NAB1: variants seen among roughly 807,000 people sequenced by gnomAD.
NAB1 encodes NGFI-A binding protein 1.
A neutral mutation model predicts 49.9 loss-of-function variants in NAB1; 25 were observed. The observed-to-expected ratio is 0.50, with a 90% CI of 0.37 to 0.70. The LOEUF (loss-of-function observed/expected upper bound fraction) is 0.70, where lower values mean the gene tolerates loss of function less well. Ranked by LOEUF, NAB1 falls within the 30% of genes least tolerant of loss-of-function variation. The pLI, the probability that NAB1 is intolerant of heterozygous loss-of-function variation, is 0.00. For synonymous variants in NAB1, 198 were observed against 215.6 expected (o/e 0.92, Z 0.71); for missense variants, 489 against 575.9 (o/e 0.85, Z 1.54).
At position 190,659,985 on chromosome 2, in the gene NAB1, C is replaced by T; in HGVS notation, c.809C>T (p.Thr270Ile). 1 of 1,611,780 alleles carries T rather than the reference C, an allele frequency of 6.2e-7. No homozygotes were observed. Among genetic ancestry groups the T allele is most frequent in the Non-Finnish European group, 8.5e-7 (1 of 1,177,990 alleles). ...AAGAGGAAGGATGGGAAACATCTCA[C>T]ACTTCATGAGGTACAAAGCCCGCGT... ...DSKRKDGKHL[T>I]LHELTVNEAA... The change falls in exon 4 of 10, where the codon ACA becomes ATA. Residue 270 changes from threonine (T) to isoleucine (I), a missense_variant. Transcript: ENST00000337386. This position sits in a 1 kb window ranked among gnomAD's most constrained non-coding sequence, Gnocchi z 6.2.
At chr2:190,660,603 G>A (rs113272046) in intron 4 of NAB1, among the ~76,000 whole-genome samples, 1 of 152,200 alleles carries the variant, frequency 6.6e-6, no homozygotes, top group African/African-American at 2.4e-5. Flanking sequence ...TACTTCACGT[G>A]TGTGTATAAA....
intron 4 of NAB1, among the ~76,000 whole-genome samples, chr2:190,668,831 C>T (rs1036770426): frequency 2.6e-5 from 4 of 152,128 alleles, no homozygotes; most frequent in Non-Finnish European, 4.4e-5. Context: ...AGTTGGATGC[C>T]TGAAACTGCA....
chr2:190,661,447 A>C (rs1040436958), intron 4 of NAB1, among the ~76,000 whole-genome samples: 6 of 152,166 alleles, frequency 3.9e-5, no homozygotes, highest in Non-Finnish European at 2.9e-5. Flanking sequence ...TCATGCTTTA[A>C]CCTAGTTTTC....
chr2:190,655,309 G>A (rs1192085815), intron 2 of NAB1, among the ~76,000 whole-genome samples: 1 of 152,146 alleles, frequency 6.6e-6, no homozygotes, highest in Non-Finnish European at 1.5e-5. Context: ...AGAACACTTG[G>A]AGTGACTCCA....
chr2:190,671,214 G>A (rs1694787567), intron 5 of NAB1, among the ~76,000 whole-genome samples: 1 of 151,994 alleles, frequency 6.6e-6, no homozygotes, highest in Non-Finnish European at 1.5e-5. Context: ...TTCACATTCT[G>A]AGCACCCTTT....
rs973027676 is a variant in NAB1 at position 190,657,381 on chromosome 2, G to C, written c.-20+1228G>C. Among the ~76,000 whole-genome samples, 1 of 152,180 alleles carries C rather than the reference G, an allele frequency of 6.6e-6. No homozygotes were observed. Among genetic ancestry groups the C allele is most frequent in the African/African-American group, 2.4e-5 (1 of 41,434 alleles). On this transcript the variant is annotated intron_variant, in intron 3 of 9. Transcript: ENST00000337386. This position sits in a 1 kb window ranked among gnomAD's most constrained non-coding sequence, Gnocchi z 4.4. Reference sequence around the variant, plus strand: ...AATTACCTGGGTCATCACAGTACCTGTAGGAGTTTGTGGTGCCCGGAGGAT... The same window carrying C: ...AATTACCTGGGTCATCACAGTACCTCTAGGAGTTTGTGGTGCCCGGAGGAT...
rs1186490258 is a variant in NAB1 at position 190,663,526 on chromosome 2, G to C, written c.819+3531G>C. Among the ~76,000 whole-genome samples the C allele has an allele frequency of 6.6e-6, 1 of 152,150 alleles. No individual in the cohort carries two copies. The highest frequency in any genetic ancestry group is 1.5e-5 in the Non-Finnish European group (1 of 68,038). On this transcript the variant is annotated intron_variant, in intron 4 of 9. Transcript: ENST00000337386. The surrounding 1 kb of genome is among the most constrained non-coding windows in gnomAD (Gnocchi z 4.2). Reference sequence around the variant, plus strand: ...TGGTGAGTTAAGTAGTTGTGACACAGGCTGTTTGGCCCGTAAAGCCTAAAA... The same window carrying C: ...TGGTGAGTTAAGTAGTTGTGACACACGCTGTTTGGCCCGTAAAGCCTAAAA...
intron 4 of NAB1, among the ~76,000 whole-genome samples, chr2:190,664,230 A>G (rs904634203): frequency 1.1e-4 from 17 of 152,192 alleles, no homozygotes; most frequent in Non-Finnish European, 1.9e-4. Flanking sequence ...TCTTTGTATT[A>G]CGCAGTAATC....
chr2:190,666,632 C>G lies in NAB1; in HGVS notation c.820-3694C>G, dbSNP rs1177687145. Among the ~76,000 whole-genome samples the G allele has an allele frequency of 6.6e-6, 1 of 152,050 alleles. No homozygotes were observed. The highest frequency in any genetic ancestry group is 1.9e-4 in the East Asian group (1 of 5,178). ...GCTGAGACAGGAGAATCGCTTGAAC[C>G]CGGGGCGCTGAGGTTGCGCCACTGC... On this transcript the variant is annotated intron_variant, in intron 4 of 9. Coordinates refer to ENST00000337386, the MANE Select transcript of NAB1 (RefSeq NM_005966.4). This position sits in a 1 kb window ranked among gnomAD's most constrained non-coding sequence, Gnocchi z 5.6.
chr2:190,690,297 G>C lies in NAB1; in HGVS notation c.1428G>C (p.Lys476Asn). The C allele has an allele frequency of 1.9e-6, 3 of 1,612,876 alleles. No homozygotes were observed. The highest frequency in any genetic ancestry group is 2.5e-6 in the Non-Finnish European group (3 of 1,179,348). Residue 476 changes from lysine to asparagine, a missense_variant, in exon 10 of 10, where the codon AAG becomes AAC. Physicochemically the swap from Lys to Asn is moderately conservative, Grantham distance 94. This residue lies in a region of NAB1 where 212 missense variants were observed against 199.3 expected (regional missense o/e 1.06). Coordinates refer to ENST00000337386, the MANE Select transcript of NAB1 (RefSeq NM_005966.4). ...CTCATTCAGCTTTTACCTTAGAAAA[G>C]AAAGTCATCAAAACAGAGCCTGAAG... ...DYPHSAFTLE[K>N]KVIKTEPEDS...
chr2:190,685,633 G>T lies in NAB1; in HGVS notation c.1253G>T (p.Gly418Val). The T allele has an allele frequency of 6.2e-7, 1 of 1,605,652 alleles. No homozygotes were observed. Among genetic ancestry groups the T allele is most frequent in the Non-Finnish European group, 8.5e-7 (1 of 1,176,376 alleles). The change falls in exon 8 of 10, where the codon GGA becomes GTA. Residue 418 changes from glycine (G) to valine (V), a missense_variant. Coordinates refer to ENST00000337386, the MANE Select transcript of NAB1 (RefSeq NM_005966.4). This position sits in a 1 kb window ranked among gnomAD's most constrained non-coding sequence, Gnocchi z 4.5. ...PNGLTSDNSD[G>V]QGERPLNLRM... ...GGCTTGACTTCCGATAACTCAGATGGACAAGGTACATCTTTAGAATATCCT... is the reference window on the plus strand; with the variant it reads ...GGCTTGACTTCCGATAACTCAGATGTACAAGGTACATCTTTAGAATATCCT...
Position 190,649,336 on chromosome 2 carries a change from C to T in NAB1, c.-358C>T, listed in dbSNP as rs1399379443. 1 of 152,230 alleles carries T rather than the reference C, an allele frequency of 6.6e-6. No individual in the cohort carries two copies. The highest frequency in any genetic ancestry group is 1.5e-5 in the Non-Finnish European group (1 of 68,114). 9.4% of individuals were successfully genotyped at this position (152,230 alleles called of 1,614,324 possible). A position where few individuals can be genotyped will look rare whatever the true frequency, so the allele number is the denominator to read the frequency against. On this transcript the variant is annotated 5_prime_UTR_variant, in exon 1 of 10. Coordinates refer to ENST00000337386, the MANE Select transcript of NAB1 (RefSeq NM_005966.4). The surrounding 1 kb of genome is among the most constrained non-coding windows in gnomAD (Gnocchi z 6.1). The stretch of plus-strand genomic sequence containing the variant: ...TGAGCAGTCCTCGGGGAGAGCGCGC[C>T]AAGACCGCTGCAGCCGCTGGCTGAG...
In NAB1 at chr2:190,670,211, T is replaced by A; in HGVS notation, c.820-115T>A. 9.8e-7 allele frequency: 1 copy of A among 1,018,148 alleles called. No individual in the cohort carries two copies. Among genetic ancestry groups the A allele is most frequent in the Admixed American group, 3.1e-5 (1 of 32,238 alleles). The allele number at this position is 1,018,148 out of a possible 1,614,324, so 63.1% of individuals were successfully genotyped here. A position where few individuals can be genotyped will look rare whatever the true frequency, so the allele number is the denominator to read the frequency against. ...GGAATAAATACCATTCTGATTTTTATGAATAATGATTCCATTATATAATGG... is the reference window on the plus strand; with the variant it reads ...GGAATAAATACCATTCTGATTTTTAAGAATAATGATTCCATTATATAATGG... On this transcript the variant is annotated intron_variant, in intron 4 of 9. Coordinates refer to ENST00000337386, the MANE Select transcript of NAB1 (RefSeq NM_005966.4). The surrounding 1 kb of genome is among the most constrained non-coding windows in gnomAD (Gnocchi z 5.3).
At position 190,691,839 on chromosome 2, in the gene NAB1, T is replaced by G. The variant is rs1695948103; in HGVS notation, c.*1506T>G. ...AAGTCATAATCTGTTACACTAAAAT[T>G]TGTCAGCCAAATGTTAGATGAAATG... On this transcript the variant is annotated 3_prime_UTR_variant, in exon 10 of 10. Transcript: ENST00000337386. This position sits in a 1 kb window ranked among gnomAD's most constrained non-coding sequence, Gnocchi z 4.1. 6.6e-6 allele frequency: 1 copy of G among 152,198 alleles called. No homozygotes were observed. Among genetic ancestry groups the G allele is most frequent in the African/African-American group, 2.4e-5 (1 of 41,454 alleles). 9.4% of individuals were successfully genotyped at this position (152,198 alleles called of 1,614,324 possible).
At position 190,690,810 on chromosome 2, in the gene NAB1, G is replaced by C. The variant is rs1695910534; in HGVS notation, c.*477G>C. ...TGCAGTTGTGAAAAAGAAAGCTTAA[G>C]TGATGCAGTTATTGGCAAGATTGCA... On this transcript the variant is annotated 3_prime_UTR_variant, in exon 10 of 10. Coordinates refer to ENST00000337386, the MANE Select transcript of NAB1 (RefSeq NM_005966.4). The C allele has an allele frequency of 2.0e-5, 3 of 152,836 alleles. No homozygotes were observed. The highest frequency in any genetic ancestry group is 2.0e-4 in the Admixed American group (3 of 15,306). 9.5% of individuals were successfully genotyped at this position (152,836 alleles called of 1,614,324 possible).
intron 5 of NAB1, among the ~76,000 whole-genome samples, chr2:190,672,734 G>A (rs1694877586): frequency 6.6e-6 from 1 of 151,878 alleles, no homozygotes; most frequent in Non-Finnish European, 1.5e-5. Context: ...CCAGCAATTT[G>A]GAAGGCTGAG....
intron 9 of NAB1, 27 bp from the exon 10 acceptor site, chr2:190,690,218 A>G (rs1695887200): frequency 6.7e-7 from 1 of 1,490,266 alleles, no homozygotes; most frequent in Admixed American, 1.7e-5. Context: ...TAAAATATCA[A>G]CTCACTTTGT....
Position 190,677,212 on chromosome 2 carries a change from T to C in NAB1, c.1005+4060T>C, listed in dbSNP as rs1322731531. On this transcript the variant is annotated intron_variant, in intron 6 of 9. Transcript: ENST00000337386. This position sits in a 1 kb window ranked among gnomAD's most constrained non-coding sequence, Gnocchi z 5.6. ...TTACTTATTTGATTTAAAAAAAAAA[T>C]AGCAGTATACACATTGCATAGAAGT... 1 of 152,066 alleles carries C rather than the reference T, an allele frequency of 6.6e-6. No individual in the cohort carries two copies. The highest frequency in any genetic ancestry group is 1.5e-5 in the Non-Finnish European group (1 of 68,018). 9.4% of individuals were successfully genotyped at this position (152,066 alleles called of 1,614,324 possible). A position where few individuals can be genotyped will look rare whatever the true frequency, so the allele number is the denominator to read the frequency against.
At chr2:190,681,981 G>A (rs1028374439) in intron 6 of NAB1, among the ~76,000 whole-genome samples, 2 of 152,118 alleles carry the variant, frequency 1.3e-5, no homozygotes, top group African/African-American at 2.4e-5. Context: ...GAGTTTAATT[G>A]TAAATGCTAA....
Sources: allele counts gnomAD v4.1 joint callset (sites outside exome capture counted in the v4.1 genomes callset), GRCh38; gene constraint gnomAD v4.1.1; regional missense constraint gnomAD v4.1.1; non-coding constraint Gnocchi (gnomAD v3.1); transcripts MANE v1.5; gene names NCBI Gene and HGNC (gene_info 2026-07-23, HGNC 2026-07-21).